Variants in CALN1 observed in about 807,000 individuals in gnomAD.
CALN1 encodes calneuron 1, also known as calcium-binding protein 8.
In CALN1, 17 loss-of-function variants were observed where a neutral mutation model predicts 30.6. The ratio of observed to expected loss-of-function variants is 0.56; its 90% CI spans 0.38 to 0.83. CALN1 has a LOEUF of 0.83. Among genes scored for constraint, CALN1 ranks in the 40% least tolerant of loss-of-function variants. CALN1 has a pLI of 0.00. For synonymous variants in CALN1, 156 were observed against 131.4 expected (o/e 1.19, Z -1.28); for missense variants, 291 against 354.9 (o/e 0.82, Z 1.45).
chr7:71,801,385 TA>T, intron 6 of CALN1, among the ~76,000 whole-genome samples: 1 of 81,338 alleles, frequency 1.2e-5, no homozygotes, highest in East Asian at 4.6e-4. Flanking sequence ...GTTATGTATG[TA>T]TGTATGTATG....
At chr7:72,297,136 C>T (rs949270456) in intron 2 of CALN1, among the ~76,000 whole-genome samples, 7 of 152,028 alleles carry the variant, frequency 4.6e-5, no homozygotes, top group Non-Finnish European at 1.0e-4. Flanking sequence ...GTCTTTGTTC[C>T]CGTTGGTTTC....
At chr7:71,922,714 A>G (rs925051133) in intron 5 of CALN1, among the ~76,000 whole-genome samples, 19 of 138,718 alleles carry the variant, frequency 1.4e-4, no homozygotes, top group Admixed American at 1.0e-3. Context: ...AATATATTAT[A>G]TAAATATATA....
chr7:71,901,716 T>A (rs1220553537), intron 5 of CALN1, among the ~76,000 whole-genome samples: 1 of 152,114 alleles, frequency 6.6e-6, no homozygotes, highest in Non-Finnish European at 1.5e-5. Flanking sequence ...TGGAGAGCCA[T>A]ATGCAGAAAA....
At chr7:71,947,489 G>A (rs944694277) in intron 5 of CALN1, among the ~76,000 whole-genome samples, 1 of 152,156 alleles carries the variant, frequency 6.6e-6, no homozygotes, top group African/African-American at 2.4e-5. Flanking sequence ...AGACTCTCTA[G>A]ACACACCCTT....
At chr7:72,234,230 C>G (rs1794320331) in intron 3 of CALN1, among the ~76,000 whole-genome samples, 1 of 152,064 alleles carries the variant, frequency 6.6e-6, no homozygotes, top group Admixed American at 6.6e-5. Flanking sequence ...CAGAGAAAAG[C>G]TGCGATCTCT....
chr7:71,856,073 T>A (rs982527701), intron 5 of CALN1, among the ~76,000 whole-genome samples: 7 of 151,892 alleles, frequency 4.6e-5, no homozygotes, highest in Non-Finnish European at 1.0e-4. Context: ...TTCAAATATA[T>A]ATGAATATAT....
At chr7:72,449,747 C>A (rs983225873), upstream of CALN1, among the ~76,000 whole-genome samples, 1 of 151,644 alleles carries the variant, frequency 6.6e-6, no homozygotes, top group African/African-American at 2.4e-5. Context: ...TGGTGGCGGG[C>A]GCCTGTAGTC....
At chr7:72,197,994 G>T (rs1405478070) in intron 3 of CALN1, among the ~76,000 whole-genome samples, 1 of 151,266 alleles carries the variant, frequency 6.6e-6, no homozygotes, top group Admixed American at 6.6e-5. Context: ...TAAAACTGCA[G>T]AACTCCTGAA....
intron 3 of CALN1, among the ~76,000 whole-genome samples, chr7:72,178,106 A>G (rs1025308280): frequency 6.6e-6 from 1 of 152,210 alleles, no homozygotes; most frequent in African/African-American, 2.4e-5. Context: ...CACATCCCGA[A>G]AAATGGGGGA....
chr7:72,373,232 A>G (rs968993926), intron 2 of CALN1, among the ~76,000 whole-genome samples: 3 of 152,212 alleles, frequency 2.0e-5, no homozygotes, highest in African/African-American at 7.2e-5. Flanking sequence ...GAAGTTTGGG[A>G]AAAAATGTGC....
chr7:72,314,711 G>A (rs1020184415), intron 2 of CALN1, among the ~76,000 whole-genome samples: 5 of 151,460 alleles, frequency 3.3e-5, no homozygotes, highest in Admixed American at 2.0e-4. Context: ...CACCGTGCCC[G>A]GCCATATTTT....
chr7:72,060,442 G>A (rs1331803711), intron 4 of CALN1, among the ~76,000 whole-genome samples: 1 of 152,162 alleles, frequency 6.6e-6, no homozygotes, highest in East Asian at 1.9e-4. Context: ...GTACCAAGGA[G>A]GTCTTGGAGA....
chr7:72,369,348 A>T (rs947999287), intron 2 of CALN1, among the ~76,000 whole-genome samples: 7 of 26,618 alleles, frequency 2.6e-4, no homozygotes, highest in Non-Finnish European at 4.3e-4. Context: ...AATATTATAA[A>T]TATTTATTTT....
At position 71,837,243 on chromosome 7, in the gene CALN1, CAAAAAAAAA is replaced by C. The variant is rs55977265; in HGVS notation, c.502-26760_502-26752del. Among the ~76,000 whole-genome samples the C allele has an allele frequency of 1.1e-3, 90 of 79,130 alleles. 1 individual carries two copies. The highest frequency in any genetic ancestry group is 6.4e-3 in the Admixed American group (34 of 5,342). The allele number at this position is 79,130 out of a possible 152,430, so 51.9% of individuals were successfully genotyped here. A position where few individuals can be genotyped will look rare whatever the true frequency, so the allele number is the denominator to read the frequency against. ...CGAAACTCCATCTCAAAAAAAAAGA[CAAAAAAAAA>C]AAAAAAAAAAAAAGCCACAAAGTTA... On this transcript the variant is annotated intron_variant, in intron 5 of 6. Coordinates refer to ENST00000395275, the MANE Select transcript of CALN1 (RefSeq NM_031468.4).
intron 2 of CALN1, among the ~76,000 whole-genome samples, chr7:72,338,140 C>T (rs550893082): frequency 6.6e-6 from 1 of 152,296 alleles, no homozygotes; most frequent in South Asian, 2.1e-4. Flanking sequence ...AGATTAGACG[C>T]TTGCCAGTTC....
chr7:71,838,196 T>C (rs1048526844), intron 5 of CALN1, among the ~76,000 whole-genome samples: 1 of 152,212 alleles, frequency 6.6e-6, no homozygotes, highest in African/African-American at 2.4e-5. Flanking sequence ...AATGGAAATA[T>C]AGCATATGAT....
chr7:72,142,907 T>C (rs997534296), intron 3 of CALN1, among the ~76,000 whole-genome samples: 4 of 152,158 alleles, frequency 2.6e-5, no homozygotes, highest in African/African-American at 4.8e-5. Context: ...GACCTGCAGC[T>C]GAGGGTCCTG....
At chr7:72,426,045 G>A (rs943859011) in intron 1 of CALN1, among the ~76,000 whole-genome samples, 24 of 152,236 alleles carry the variant, frequency 1.6e-4, no homozygotes, top group African/African-American at 5.5e-4. Flanking sequence ...CTGATGGGGT[G>A]TGCTGGCACC....
intron 1 of CALN1, among the ~76,000 whole-genome samples, chr7:72,407,023 CA>C (rs1806742145): frequency 6.6e-6 from 1 of 152,308 alleles, no homozygotes; most frequent in South Asian, 2.1e-4. Context: ...CAGTAGGAGG[CA>C]CTCTTATCCA....
Sources: allele counts gnomAD v4.1 joint callset (sites outside exome capture counted in the v4.1 genomes callset), GRCh38; gene constraint gnomAD v4.1.1; transcripts MANE v1.5; gene names NCBI Gene and HGNC (gene_info 2026-07-23, HGNC 2026-07-21).